PPP2R2B: variants seen among roughly 807,000 people sequenced by gnomAD.
The protein encoded by PPP2R2B is protein phosphatase 2 regulatory subunit Bbeta, also known as serine/threonine-protein phosphatase 2A 55 kDa regulatory subunit B beta isoform.
In PPP2R2B, 5 loss-of-function variants were observed where a neutral mutation model predicts 46.0. The ratio of observed to expected loss-of-function variants is 0.11; its 90% CI spans 0.06 to 0.23. The LOEUF (loss-of-function observed/expected upper bound fraction) is 0.23, where lower values mean the gene tolerates loss of function less well. PPP2R2B is among the 10% of genes least tolerant of loss of function. The pLI is 1.00. For synonymous variants in PPP2R2B, 215 were observed against 206.7 expected (o/e 1.04, Z -0.34); for missense variants, 367 against 575.0 (o/e 0.64, Z 3.70).
At chr5:147,026,017 A>G (rs1411728551) in intron 1 of PPP2R2B, among the ~76,000 whole-genome samples, 1 of 152,132 alleles carries the variant, frequency 6.6e-6, no homozygotes, top group Non-Finnish European at 1.5e-5. Flanking sequence ...TGGAACTTTC[A>G]TACATTGCTG....
chr5:147,059,572 G>A (rs976410392), upstream of PPP2R2B, among the ~76,000 whole-genome samples: 2 of 152,184 alleles, frequency 1.3e-5, no homozygotes, highest in Non-Finnish European at 2.9e-5. Context: ...AGGGAAACCA[G>A]CAGCCTCAGA....
intron 7 of PPP2R2B, among the ~76,000 whole-genome samples, chr5:146,622,399 A>G (rs2151058801): frequency 6.6e-6 from 1 of 152,240 alleles, no homozygotes; most frequent in Middle Eastern, 3.4e-3. Context: ...ACAGAGGGTA[A>G]ATCCAAGGAG....
chr5:147,042,042 A>G (rs1756334579), intron 1 of PPP2R2B, among the ~76,000 whole-genome samples: 1 of 152,132 alleles, frequency 6.6e-6, no homozygotes, highest in South Asian at 2.1e-4. Flanking sequence ...CTGATAAGAT[A>G]CTGTGGCGAG....
intron 2 of PPP2R2B, among the ~76,000 whole-genome samples, chr5:146,871,204 C>T (rs1041958222): frequency 2.0e-5 from 3 of 152,192 alleles, no homozygotes; most frequent in Admixed American, 1.3e-4. Flanking sequence ...AGCTGGAGAG[C>T]CACTCTGGCC....
chr5:146,919,901 A>T (rs1433681411), intron 1 of PPP2R2B: 6 of 152,170 alleles, frequency 3.9e-5, no homozygotes, highest in Non-Finnish European at 7.3e-5. Flanking sequence ...AAATTAATTA[A>T]ACCAGTTTGC....
chr5:146,946,629 T>C (rs1240227086), intron 1 of PPP2R2B, among the ~76,000 whole-genome samples: 1 of 152,134 alleles, frequency 6.6e-6, no homozygotes, highest in African/African-American at 2.4e-5. Flanking sequence ...TGAATGTGGA[T>C]GTATGGAGAA....
chr5:147,056,155 G>A (rs1561603996), upstream of PPP2R2B: 6 of 1,005,928 alleles, frequency 6.0e-6, no homozygotes, highest in East Asian at 8.4e-5. Flanking sequence ...GTGAGGATAA[G>A]TGACCATCTC....
At chr5:146,764,342 A>G (rs756674200) in intron 2 of PPP2R2B, among the ~76,000 whole-genome samples, 2 of 152,200 alleles carry the variant, frequency 1.3e-5, no homozygotes, top group Admixed American at 6.5e-5. Context: ...ACATTTGGAT[A>G]TATCACTTTG....
intron 2 of PPP2R2B, among the ~76,000 whole-genome samples, chr5:146,718,608 G>A (rs975959868): frequency 1.3e-5 from 2 of 151,964 alleles, no homozygotes; most frequent in African/African-American, 2.4e-5. Flanking sequence ...TCATATACAC[G>A]AAAACACATG....
chr5:146,978,608 A>G (rs1014885888), intron 1 of PPP2R2B, among the ~76,000 whole-genome samples: 6 of 152,200 alleles, frequency 3.9e-5, no homozygotes, highest in African/African-American at 1.4e-4. Context: ...TTTTCCTAAC[A>G]TCATTTATTA....
intron 2 of PPP2R2B, among the ~76,000 whole-genome samples, chr5:146,824,905 T>C (rs1485720576): frequency 6.6e-6 from 1 of 152,042 alleles, no homozygotes; most frequent in Non-Finnish European, 1.5e-5. Context: ...GTGTTTTTAG[T>C]AGAGACAGGG....
intron 2 of PPP2R2B, among the ~76,000 whole-genome samples, chr5:146,708,605 G>A (rs1005515500): frequency 1.3e-5 from 2 of 152,054 alleles, no homozygotes; most frequent in Admixed American, 6.6e-5. Flanking sequence ...AAAATTATGG[G>A]AATAAAATGA....
chr5:146,634,656 A>G (rs892000336), intron 7 of PPP2R2B, among the ~76,000 whole-genome samples: 1 of 151,622 alleles, frequency 6.6e-6, no homozygotes, highest in Non-Finnish European at 1.5e-5. Context: ...TTAGATTAGA[A>G]CACCACCATC....
chr5:146,989,774 G>A (rs1455082168), intron 1 of PPP2R2B, among the ~76,000 whole-genome samples: 1 of 151,864 alleles, frequency 6.6e-6, no homozygotes, highest in Non-Finnish European at 1.5e-5. Context: ...AAGAAACAAA[G>A]GGCACCCAAA....
chr5:146,955,774 C>CTT (rs5872000), intron 1 of PPP2R2B, among the ~76,000 whole-genome samples: 130 of 115,646 alleles, frequency 1.1e-3, no homozygotes, highest in Non-Finnish European at 1.4e-3. Flanking sequence ...CTTTCTATTA[C>CTT]TTTTTTTTTT....
chr5:146,657,694 G>T (rs953301403), intron 5 of PPP2R2B, among the ~76,000 whole-genome samples: 1 of 151,942 alleles, frequency 6.6e-6, no homozygotes, highest in Non-Finnish European at 1.5e-5. Flanking sequence ...AGGGACATTT[G>T]CATGATACTT....
chr5:146,813,063 T>C (rs1214769637), intron 2 of PPP2R2B, among the ~76,000 whole-genome samples: 3 of 150,444 alleles, frequency 2.0e-5, no homozygotes, highest in African/African-American at 7.3e-5. Flanking sequence ...GTCACACATC[T>C]GGTGAATCAT....
intron 4 of PPP2R2B, among the ~76,000 whole-genome samples, chr5:146,693,460 C>T (rs1778999941): frequency 6.6e-6 from 1 of 152,066 alleles, no homozygotes; most frequent in Non-Finnish European, 1.5e-5. Context: ...AGCAGTCTGC[C>T]CACCTTTGCC....
intron 1 of PPP2R2B, among the ~76,000 whole-genome samples, chr5:146,966,365 C>T (rs2151845307): frequency 6.6e-6 from 1 of 152,262 alleles, no homozygotes; most frequent in East Asian, 1.9e-4. Context: ...GACTTGCAGC[C>T]ATGCCCAGGG....
Sources: gnomAD v4.1 joint callset for allele counts (sites outside exome capture counted in the v4.1 genomes callset) on GRCh38, gnomAD v4.1.1 for gene constraint, MANE v1.5 for transcripts, NCBI Gene and HGNC (gene_info 2026-07-23, HGNC 2026-07-21) for gene names.